C9orf40: variants seen among roughly 807,000 people sequenced by gnomAD.
C9orf40 encodes the protein chromosome 9 open reading frame 40, also known as uncharacterized protein C9orf40.
A neutral mutation model predicts 7.9 loss-of-function variants in C9orf40; 2 were observed. That is an observed-to-expected ratio of 0.25 (90% CI 0.10 to 0.80). The LOEUF (loss-of-function observed/expected upper bound fraction) is 0.80. Among genes scored for constraint, C9orf40 ranks in the 30% least tolerant of loss-of-function variants. The pLI, the probability that C9orf40 is intolerant of heterozygous loss-of-function variation, is 0.68. For missense variants in C9orf40, 256 were observed against 268.5 expected, an observed-to-expected ratio of 0.95 and a Z score of 0.33; for synonymous variants, 113 against 117.6, an observed-to-expected ratio of 0.96 and a Z score of 0.25.
At position 74,952,797 on chromosome 9, in the gene C9orf40, C is replaced by T. The variant is rs1832323554; in HGVS notation, c.-186G>A. On this transcript the variant is annotated 5_prime_UTR_variant, in exon 1 of 2. Coordinates refer to ENST00000376854, the MANE Select transcript of C9orf40 (RefSeq NM_017998.3). The surrounding 1 kb of genome is among the most constrained non-coding windows in gnomAD (Gnocchi z 5.4). ...AGGGCCTAGGGCTGGGGCTCCGGCT[C>T]GGAGGCAGCTCCCGCGCTCAGCCCT... is the stretch of plus-strand genomic sequence containing the variant. The T allele has an allele frequency of 5.7e-6, 3 of 523,888 alleles. No individual in the cohort carries two copies. The South Asian group carries it at 8.3e-5, about 15-fold the overall frequency. The allele number at this position is 523,888 out of a possible 1,614,324, so 32.5% of individuals were successfully genotyped here.
At position 74,952,597 on chromosome 9, in the gene C9orf40, A is replaced by G; in HGVS notation, c.15T>C (p.Arg5=). ...CGTGGAACGTCACCGGCTCGGCCGC[A>G]CGCCGCTTGGCCATGGGCCCAGAGG... The part of the protein sequence containing the change: MAKR[R]AAEPVTFHVP... Residue 5 remains arginine (R), a synonymous_variant, in exon 1 of 2, where the codon CGT becomes CGC. Transcript: ENST00000376854. This position sits in a 1 kb window ranked among gnomAD's most constrained non-coding sequence, Gnocchi z 5.4. The G allele has an allele frequency of 6.4e-7, 1 of 1,568,178 alleles. No individual in the cohort carries two copies. The highest frequency in any genetic ancestry group is 8.6e-7 in the Non-Finnish European group (1 of 1,167,608).
At chr9:74,950,163 A>G (rs1285878707) in intron 1 of C9orf40, among the ~76,000 whole-genome samples, 6 of 152,242 alleles carry the variant, frequency 3.9e-5, no homozygotes, top group Non-Finnish European at 8.8e-5. Flanking sequence ...TGGTGAAGAA[A>G]GAACCCCTGG....
In C9orf40 at chr9:74,947,931, T is replaced by C. The variant is rs1832259279; in HGVS notation, c.*117A>G. ...AATGTCAGAACAATCTTTCTTCATTTCTCAGGTTTGGAAATATAACTTCAA... is the reference window on the plus strand; with the variant it reads ...AATGTCAGAACAATCTTTCTTCATTCCTCAGGTTTGGAAATATAACTTCAA... On this transcript the variant is annotated 3_prime_UTR_variant, in exon 2 of 2. Coordinates refer to ENST00000376854, the MANE Select transcript of C9orf40 (RefSeq NM_017998.3). 1 of 990,490 alleles carries C rather than the reference T, an allele frequency of 1.0e-6. No individual in the cohort carries two copies. The highest frequency in any genetic ancestry group is 1.5e-6 in the Non-Finnish European group (1 of 665,570). The allele number at this position is 990,490 out of a possible 1,614,324, so 61.4% of individuals were successfully genotyped here.
Position 74,952,848 on chromosome 9 carries a change from C to CG in C9orf40, c.-238dup, listed in dbSNP as rs1832324893. ...CGCCGCCGCCGAGATGCGGCCCGGA[C>CG]GTTGAGAAGCAACCGCGAAGCGGCG... On this transcript the variant is annotated 5_prime_UTR_variant, in exon 1 of 2. Coordinates refer to ENST00000376854, the MANE Select transcript of C9orf40 (RefSeq NM_017998.3). This position sits in a 1 kb window ranked among gnomAD's most constrained non-coding sequence, Gnocchi z 5.4. 1 of 474,568 alleles carries CG rather than the reference C, an allele frequency of 2.1e-6. No individual in the cohort carries two copies. The highest frequency in any genetic ancestry group is 3.5e-5 in the South Asian group (1 of 28,272). The allele number at this position is 474,568 out of a possible 1,614,324, so 29.4% of individuals were successfully genotyped here. A position where few individuals can be genotyped will look rare whatever the true frequency, so the allele number is the denominator to read the frequency against.
rs1276643457 is a variant in C9orf40 at position 74,952,366 on chromosome 9, C to G, written c.246G>C (p.Pro82=). 3.2e-6 allele frequency: 5 copies of G among 1,556,960 alleles called. No individual in the cohort carries two copies. Among genetic ancestry groups the G allele is most frequent in the Non-Finnish European group, 4.3e-6 (5 of 1,160,828 alleles). The change falls in exon 1 of 2, where the codon CCG becomes CCC. Residue 82 remains proline, a synonymous_variant. Coordinates refer to ENST00000376854, the MANE Select transcript of C9orf40 (RefSeq NM_017998.3). The surrounding 1 kb of genome is among the most constrained non-coding windows in gnomAD (Gnocchi z 5.4). The part of the protein sequence containing the change: ...KRRDSGDNSA[P]SGQEREDHGL... ...CGTGGTCCTCACGCTCCTGGCCGCT[C>G]GGGGCGCTGTTGTCCCCGCTGTCAC... is the stretch of plus-strand genomic sequence containing the variant.
chr9:74,951,627 C>G (rs1480373831), intron 1 of C9orf40, among the ~76,000 whole-genome samples: 1 of 152,182 alleles, frequency 6.6e-6, no homozygotes, highest in Non-Finnish European at 1.5e-5. Flanking sequence ...TGCCTAGGAT[C>G]AGATTTAACA....
In C9orf40 at chr9:74,946,720, TAC is replaced by T. The variant is rs1325065894; in HGVS notation, c.*1326_*1327del. On this transcript the variant is annotated 3_prime_UTR_variant, in exon 2 of 2. Coordinates refer to ENST00000376854, the MANE Select transcript of C9orf40 (RefSeq NM_017998.3). ...TGAACCATGTCTGACCACAATGCAA[TAC>T]AGTTTGTCTTCTGTTCTAAAGCATT... 2 of 152,280 alleles carry T rather than the reference TAC, an allele frequency of 1.3e-5. No individual in the cohort carries two copies. Among genetic ancestry groups the T allele is most frequent in the Middle Eastern group, 3.4e-3 (1 of 294 alleles). 9.4% of individuals were successfully genotyped at this position (152,280 alleles called of 1,614,324 possible). A position where few individuals can be genotyped will look rare whatever the true frequency, so the allele number is the denominator to read the frequency against.
rs1564081365 is a variant in C9orf40 at position 74,952,895 on chromosome 9, C to G, written c.-284G>C. The G allele has an allele frequency of 2.4e-6, 1 of 409,220 alleles. No individual in the cohort carries two copies. Among genetic ancestry groups the G allele is most frequent in the Non-Finnish European group, 4.4e-6 (1 of 228,594 alleles). The allele number at this position is 409,220 out of a possible 1,614,324, so 25.3% of individuals were successfully genotyped here. A position where few individuals can be genotyped will look rare whatever the true frequency, so the allele number is the denominator to read the frequency against. ...GGCGGAGATTCGAACCTGCGCACAA[C>G]GTGCGCGCGCGCACTCTGTCTGGCC... On this transcript the variant is annotated 5_prime_UTR_variant, in exon 1 of 2. Transcript: ENST00000376854. This position sits in a 1 kb window ranked among gnomAD's most constrained non-coding sequence, Gnocchi z 5.4.
Position 74,952,539 on chromosome 9 carries a change from C to G in C9orf40, c.73G>C (p.Ala25Pro), listed in dbSNP as rs931593128. 1.3e-6 allele frequency: 2 copies of G among 1,588,038 alleles called. No homozygotes were observed. Among genetic ancestry groups the G allele is most frequent in the Non-Finnish European group, 1.7e-6 (2 of 1,176,044 alleles). ...PWKRLLLCDF[A>P]EQPPPPPLWI... The stretch of plus-strand genomic sequence containing the variant: ...AGAGGCGGTGGCGGCGGCTGCTCAG[C>G]GAAGTCGCAAAGCAGGAGCCGCTTC... Residue 25 changes from alanine (A) to proline (P), a missense_variant, in exon 1 of 2, where the codon GCT becomes CCT. Ala to Pro is a conservative substitution (Grantham distance 27). Coordinates refer to ENST00000376854, the MANE Select transcript of C9orf40 (RefSeq NM_017998.3). The surrounding 1 kb of genome is among the most constrained non-coding windows in gnomAD (Gnocchi z 5.4).
chr9:74,950,922 A>G (rs72732905), intron 1 of C9orf40, among the ~76,000 whole-genome samples: 1 of 152,154 alleles, frequency 6.6e-6, no homozygotes. Context: ...ATAATTTAAA[A>G]TTTTCTAGTA....
rs1048077985 is a variant in C9orf40 at position 74,952,543 on chromosome 9, G to A, written c.69C>T (p.Asp23=). The A allele has an allele frequency of 2.5e-6, 4 of 1,588,156 alleles. No homozygotes were observed. The African/African-American group carries it at 4.0e-5, about 16-fold the overall frequency. ...HVPWKRLLLC[D]FAEQPPPPPL... ...GCGGTGGCGGCGGCTGCTCAGCGAA[G>A]TCGCAAAGCAGGAGCCGCTTCCAAG... is the stretch of plus-strand genomic sequence containing the variant. The change falls in exon 1 of 2, where the codon GAC becomes GAT. Residue 23 remains aspartate, a synonymous_variant. Coordinates refer to ENST00000376854, the MANE Select transcript of C9orf40 (RefSeq NM_017998.3). This position sits in a 1 kb window ranked among gnomAD's most constrained non-coding sequence, Gnocchi z 5.4.
Position 74,952,738 on chromosome 9 carries a change from G to T in C9orf40, c.-127C>A. ...CCGAAGTCGGGCGAGGAGGCGACAG[G>T]ACGCTGGAGGGGGTAGGGCGGGGCA... On this transcript the variant is annotated 5_prime_UTR_variant, in exon 1 of 2. Transcript: ENST00000376854. The surrounding 1 kb of genome is among the most constrained non-coding windows in gnomAD (Gnocchi z 5.4). 1.2e-6 allele frequency: 1 copy of T among 847,930 alleles called. No homozygotes were observed. Among genetic ancestry groups the T allele is most frequent in the Non-Finnish European group, 1.8e-6 (1 of 569,984 alleles). The allele number at this position is 847,930 out of a possible 1,614,324, so 52.5% of individuals were successfully genotyped here. A position where few individuals can be genotyped will look rare whatever the true frequency, so the allele number is the denominator to read the frequency against.
Position 74,952,163 on chromosome 9 carries a change from G to GCCCCCCCCCCC in C9orf40, c.426+22_426+23insGGGGGGGGGGG. ...AAAAGGCAAGCCCCTTCGCCCCTCAGCCCACCCGCCCCCAGCCCCTACCTG... is the reference window on the plus strand; with the variant it reads ...AAAAGGCAAGCCCCTTCGCCCCTCAGCCCCCCCCCCCCCCACCCGCCCCCAGCCCCTACCTG... On this transcript the variant is annotated intron_variant, in intron 1 of 1. Transcript: ENST00000376854. This position sits in a 1 kb window ranked among gnomAD's most constrained non-coding sequence, Gnocchi z 5.4. 8.5e-5 allele frequency: 30 copies of GCCCCCCCCCCC among 351,714 alleles called. No individual in the cohort carries two copies. The highest frequency in any genetic ancestry group is 2.5e-4 in the East Asian group (5 of 20,284). The allele number at this position is 351,714 out of a possible 1,614,324, so 21.8% of individuals were successfully genotyped here.
At chr9:74,950,193 C>T (rs372160717) in intron 1 of C9orf40, among the ~76,000 whole-genome samples, 45 of 152,334 alleles carry the variant, frequency 3.0e-4, no homozygotes, top group African/African-American at 7.9e-4. Flanking sequence ...TTTTCCCTGT[C>T]ATGCGCTTGC....
Position 74,952,680 on chromosome 9 carries a change from G to A in C9orf40, c.-69C>T, listed in dbSNP as rs1832319032. On this transcript the variant is annotated 5_prime_UTR_variant, in exon 1 of 2. Coordinates refer to ENST00000376854, the MANE Select transcript of C9orf40 (RefSeq NM_017998.3). The surrounding 1 kb of genome is among the most constrained non-coding windows in gnomAD (Gnocchi z 5.4). The stretch of plus-strand genomic sequence containing the variant: ...AGTGCCGATAGCTGCGGGGGGCGAA[G>A]AGCGAGGACTGAGCGCGTGAGAGAG... 7.2e-7 allele frequency: 1 copy of A among 1,397,222 alleles called. No homozygotes were observed. The highest frequency in any genetic ancestry group is 2.3e-5 in the Admixed American group (1 of 43,060). The allele number at this position is 1,397,222 out of a possible 1,614,324, so 86.6% of individuals were successfully genotyped here. A position where few individuals can be genotyped will look rare whatever the true frequency, so the allele number is the denominator to read the frequency against.
intron 1 of C9orf40, among the ~76,000 whole-genome samples, chr9:74,951,577 C>G (rs1305633026): frequency 6.6e-6 from 1 of 152,198 alleles, no homozygotes; most frequent in Non-Finnish European, 1.5e-5. Context: ...AGGCGTGAGA[C>G]ACCACGCCCC....
rs1398462639 is a variant in C9orf40 at position 74,946,853 on chromosome 9, A to G, written c.*1195T>C. On this transcript the variant is annotated 3_prime_UTR_variant, in exon 2 of 2. Coordinates refer to ENST00000376854, the MANE Select transcript of C9orf40 (RefSeq NM_017998.3). ...ACCATTTGTCTTGAATTTTGGATCTAATGTCATCAACAACAAAAAATGCAA... is the reference window on the plus strand; with the variant it reads ...ACCATTTGTCTTGAATTTTGGATCTGATGTCATCAACAACAAAAAATGCAA... The G allele has an allele frequency of 1.3e-5, 2 of 152,172 alleles. No individual in the cohort carries two copies. The highest frequency in any genetic ancestry group is 2.9e-5 in the Non-Finnish European group (2 of 68,012). 9.4% of individuals were successfully genotyped at this position (152,172 alleles called of 1,614,324 possible).
In C9orf40 at chr9:74,948,224, A is replaced by C; in HGVS notation, c.427-18T>G. 1.9e-6 allele frequency: 3 copies of C among 1,568,964 alleles called. No individual in the cohort carries two copies. The highest frequency in any genetic ancestry group is 2.6e-6 in the Non-Finnish European group (3 of 1,155,324). On this transcript the variant is annotated intron_variant, in intron 1 of 1. Transcript: ENST00000376854. ...TCATTGTGCTTTAGAGAAAAAAGAG[A>C]GATCAAAGAGCATCAATAGCTTAGA...
At position 74,952,478 on chromosome 9, in the gene C9orf40, T is replaced by G. The variant is rs747367464; in HGVS notation, c.134A>C (p.Gln45Pro). 33 of 1,597,790 alleles carry G rather than the reference T, an allele frequency of 2.1e-5. No individual in the cohort carries two copies. The highest frequency in any genetic ancestry group is 5.0e-5 in the Admixed American group (3 of 59,670). Residue 45 changes from glutamine (Q) to proline (P), a missense_variant, in exon 1 of 2, where the codon CAG becomes CCG. Transcript: ENST00000376854. The surrounding 1 kb of genome is among the most constrained non-coding windows in gnomAD (Gnocchi z 5.4). ...GTGCTGCTCTGGGACGCCGAGGAGC[T>G]GCCCAGCATGCGCGACCCCGGGCGG... is the stretch of plus-strand genomic sequence containing the variant. ...IRPPGVAHAG[Q>P]LLGVPEQHRK...
Sources: allele counts gnomAD v4.1 joint callset (sites outside exome capture counted in the v4.1 genomes callset), GRCh38; gene constraint gnomAD v4.1.1; non-coding constraint Gnocchi (gnomAD v3.1); transcripts MANE v1.5; gene names NCBI Gene and HGNC (gene_info 2026-07-23, HGNC 2026-07-21).